The following AARS1 variants were observed in gnomAD, a reference collection of about 807,000 sequenced individuals.
AARS1 encodes alanyl-tRNA synthetase 1.
AARS1 carries 72 observed loss-of-function variants against 108.9 expected under a neutral mutation model. The observed-to-expected ratio is 0.66, with a 90% CI of 0.55 to 0.80. AARS1 has a LOEUF of 0.80. Ranked by LOEUF, AARS1 falls within the 30% of genes least tolerant of loss-of-function variation. AARS1 has a pLI of 0.00. For synonymous variants in AARS1, 489 were observed against 465.7 expected (o/e 1.05, Z -0.64); for missense variants, 1,193 against 1,233.2 (o/e 0.97, Z 0.49).
intron 1 of AARS1, among the ~76,000 whole-genome samples, chr16:70,288,044 G>A (rs1480757129): frequency 2.7e-5 from 4 of 147,302 alleles, no homozygotes; most frequent in African/African-American, 7.5e-5. Flanking sequence ...GGATTACAGG[G>A]GTGAGCTACC....
At chr16:70,270,848 A>AG (rs1332307692) in intron 5 of AARS1, among the ~76,000 whole-genome samples, 10 of 123,290 alleles carry the variant, frequency 8.1e-5, no homozygotes, top group Non-Finnish European at 1.5e-4. Context: ...AAAAAAAAAA[A>AG]AAAAAAAGAA....
chr16:70,284,048 C>A (rs1187292259), intron 1 of AARS1, among the ~76,000 whole-genome samples: 2 of 151,874 alleles, frequency 1.3e-5, no homozygotes, highest in African/African-American at 4.8e-5. Context: ...CTTGTCAGTA[C>A]AAATAGTAAA....
Position 70,276,422 on chromosome 16 carries a change from C to G in AARS1, c.479+64G>C. The G allele has an allele frequency of 1.9e-6, 3 of 1,575,738 alleles. No homozygotes were observed. In the Middle Eastern group the frequency reaches 5.0e-4, roughly 263 times the overall value. On this transcript the variant is annotated intron_variant, in intron 4 of 20. Coordinates refer to ENST00000261772, the MANE Select transcript of AARS1 (RefSeq NM_001605.3). The stretch of plus-strand genomic sequence containing the variant: ...GACCACATATTCCAGGTCATAAAAC[C>G]CCACTCTGGCACTGAGTGTCATTTC...
chr16:70,262,612 G>A lies in AARS1; in HGVS notation c.1493-88C>T, dbSNP rs1015369743. 52 of 1,315,878 alleles carry A rather than the reference G, an allele frequency of 4.0e-5. No individual in the cohort carries two copies. The African/African-American group carries it at 4.9e-4, about 12-fold the overall frequency. 81.5% of individuals were successfully genotyped at this position (1,315,878 alleles called of 1,614,324 possible). On this transcript the variant is annotated intron_variant, in intron 11 of 20. Transcript: ENST00000261772. ...GCTGACTTTTGCTGGATTCTCTTTC[G>A]CAAACTCTTCTTAGCTCCTAATTGT...
intron 1 of AARS1, among the ~76,000 whole-genome samples, chr16:70,289,166 C>G (rs78479085): frequency 6.6e-6 from 1 of 152,000 alleles, no homozygotes; most frequent in Non-Finnish European, 1.5e-5. Flanking sequence ...GGATTAAAAC[C>G]AAGGGAGCTA....
chr16:70,256,873 G>A (rs1960004849), intron 15 of AARS1, among the ~76,000 whole-genome samples: 1 of 151,934 alleles, frequency 6.6e-6, no homozygotes, highest in South Asian at 2.1e-4. Context: ...TCAGCACTTT[G>A]GGAGGCTGAG....
chr16:70,288,095 C>CT (rs1258709609), intron 1 of AARS1, among the ~76,000 whole-genome samples: 2 of 108,442 alleles, frequency 1.8e-5, no homozygotes, highest in African/African-American at 7.9e-5. Flanking sequence ...CCTTCCCCTT[C>CT]TTCTTTTTTT....
intron 16 of AARS1, among the ~76,000 whole-genome samples, chr16:70,255,326 A>C (rs1959960585): frequency 6.6e-6 from 1 of 150,636 alleles, no homozygotes; most frequent in African/African-American, 2.5e-5. Context: ...CAGCCTCCCA[A>C]GTAGCTGGGA....
intron 1 of AARS1, among the ~76,000 whole-genome samples, chr16:70,286,908 G>GA (rs1960858782): frequency 1.3e-5 from 2 of 151,918 alleles, no homozygotes; most frequent in Non-Finnish European, 2.9e-5. Context: ...CTGAGGTCAG[G>GA]AGTTCGAGAA....
At chr16:70,264,333 CG>C (rs1219640055) in intron 11 of AARS1, among the ~76,000 whole-genome samples, 1 of 151,484 alleles carries the variant, frequency 6.6e-6, no homozygotes. Context: ...TCTTTTTCCC[CG>C]AGACGGAATT....
At chr16:70,259,921 C>T (rs1179154833) in intron 13 of AARS1, among the ~76,000 whole-genome samples, 16 of 152,016 alleles carry the variant, frequency 1.1e-4, no homozygotes. Flanking sequence ...TACAGGCATG[C>T]ACCACCACAC....
intron 1 of AARS1, among the ~76,000 whole-genome samples, chr16:70,286,840 G>A (rs1014468460): frequency 2.6e-5 from 4 of 151,754 alleles, no homozygotes; most frequent in African/African-American, 9.7e-5. Flanking sequence ...TTTCAGCCGG[G>A]TACAGTGGCT....
intron 16 of AARS1, 123 bp downstream of exon 16, chr16:70,255,605 G>T: frequency 1.2e-6 from 1 of 864,318 alleles, no homozygotes. Flanking sequence ...AGGGGGAGTG[G>T]CCCAGCCTGT....
Position 70,258,055 on chromosome 16 carries a change from A to G in AARS1, c.2155T>C (p.Ser719Pro). 6.2e-7 allele frequency: 1 copy of G among 1,614,136 alleles called. No individual in the cohort carries two copies. The highest frequency in any genetic ancestry group is 1.1e-5 in the South Asian group (1 of 91,078). Residue 719 changes from serine (S) to proline (P), a missense_variant, in exon 15 of 21, where the codon TCT (serine) becomes CCT (proline). By Grantham distance (74) the Ser-to-Pro change is moderately conservative. Transcript: ENST00000261772. ...DPSGPAGSLT[S>P]VEFCGGTHLR... ...CACGTTCCCCCACAGAACTCAACAG[A>G]AGTCAGGGAGCCAGCAGGCCCAGAG...
chr16:70,282,911 C>T (rs1567612780), intron 1 of AARS1, 127 bp from the exon 2 acceptor site: 1 of 892,390 alleles, frequency 1.1e-6, no homozygotes, highest in African/African-American at 1.7e-5. Context: ...ATCCTAAAAC[C>T]TCTATGTTGT....
rs375400530 is a variant in AARS1 at position 70,255,791 on chromosome 16, C to T, written c.2223G>A (p.Thr741=). 84 of 1,614,088 alleles carry T rather than the reference C, an allele frequency of 5.2e-5. No homozygotes were observed. Among genetic ancestry groups the T allele is most frequent in the Non-Finnish European group, 6.5e-5 (77 of 1,180,044 alleles). The change falls in exon 16 of 21, where the codon ACG becomes ACA. Residue 741 remains threonine, a synonymous_variant. Transcript: ENST00000261772. Reference sequence around the variant, plus strand: ...GGATACCCTTGGCAATGGCTTCTTCCGTCACGATCACAAAAGCTCCTGCAT... The same window carrying T: ...GGATACCCTTGGCAATGGCTTCTTCTGTCACGATCACAAAAGCTCCTGCAT... ...SSHAGAFVIV[T]EEAIAKGIRR...
intron 8 of AARS1, 94 bp from the exon 9 acceptor site, chr16:70,267,903 C>G: frequency 6.4e-7 from 1 of 1,559,618 alleles, no homozygotes; most frequent in South Asian, 1.1e-5. Context: ...TGCAGTGGCT[C>G]ACGCCTGTAA....
At chr16:70,262,591 A>C (rs1481469365) in intron 11 of AARS1, 67 bp from the exon 12 acceptor site, 1 of 1,489,728 alleles carries the variant, frequency 6.7e-7, no homozygotes, top group East Asian at 2.3e-5. Flanking sequence ...TTCTTGGCTG[A>C]CTTTTGCTGG....
chr16:70,259,133 G>A lies in AARS1; in HGVS notation c.1839C>T (p.Phe613=), dbSNP rs141374386. The change falls in exon 14 of 21, where the codon TTC becomes TTT. Residue 613 remains phenylalanine (F), a synonymous_variant. Transcript: ENST00000261772. ...CTTCCCCAAGCACTGAGCGCAGGGC[G>A]AAGTTCAGAATGTGCGTAGCTGTGT... The part of the protein sequence containing the change: ...SNHTATHILN[F]ALRSVLGEAD... The A allele has an allele frequency of 4.6e-5, 75 of 1,614,166 alleles. 1 individual carries two copies. The African/African-American group carries it at 6.7e-4, about 14-fold the overall frequency.
Sources: gnomAD v4.1 joint callset for allele counts (sites outside exome capture counted in the v4.1 genomes callset) on GRCh38, gnomAD v4.1.1 for gene constraint, MANE v1.5 for transcripts, NCBI Gene and HGNC (gene_info 2026-07-23, HGNC 2026-07-21) for gene names.